The following TRIM13 variants were observed in gnomAD, a reference collection of about 807,000 sequenced individuals.
The protein encoded by TRIM13 is E3 ubiquitin-protein ligase TRIM13.
In TRIM13, 15 loss-of-function variants were observed where a neutral mutation model predicts 27.1. The ratio of observed to expected loss-of-function variants is 0.55; its 90% CI spans 0.37 to 0.85. TRIM13 has a LOEUF of 0.85. Ranked by LOEUF, TRIM13 falls within the 40% of genes least tolerant of loss-of-function variation. TRIM13 has a pLI of 0.00. For synonymous variants in TRIM13, 193 were observed against 171.5 expected (o/e 1.13, Z -0.98); for missense variants, 402 against 472.2 (o/e 0.85, Z 1.38).
Position 49,998,914 on chromosome 13 carries a change from A to G in TRIM13, c.-7+1151A>G, listed in dbSNP as rs141926024. On this transcript the variant is annotated intron_variant, in intron 1 of 1. Coordinates refer to ENST00000378182, the MANE Select transcript of TRIM13 (RefSeq NM_213590.3). Reference sequence around the variant, plus strand: ...CACTGCACTCCAGACTGGGCAACAGAGCGAGACTCTACCAAAAAAAAAAAA... The same window carrying G: ...CACTGCACTCCAGACTGGGCAACAGGGCGAGACTCTACCAAAAAAAAAAAA... Among the ~76,000 whole-genome samples, 962 of 147,438 alleles carry G rather than the reference A, an allele frequency of 6.5e-3. 8 individuals are homozygous for G. The highest frequency in any genetic ancestry group is 0.023 in the African/African-American group (903 of 39,354).
chr13:49,997,071 T>G lies in TRIM13; in HGVS notation c.-699T>G, dbSNP rs1873301071. The G allele has an allele frequency of 1.4e-5, 2 of 147,432 alleles. No individual in the cohort carries two copies. Among genetic ancestry groups the G allele is most frequent in the Non-Finnish European group, 3.0e-5 (2 of 67,036 alleles). 9.1% of individuals were successfully genotyped at this position (147,432 alleles called of 1,614,324 possible). On this transcript the variant is annotated 5_prime_UTR_variant, in exon 1 of 2. Coordinates refer to ENST00000378182, the MANE Select transcript of TRIM13 (RefSeq NM_213590.3). ...CCATTTTGGGGCTGTGCTTGGCGCG[T>G]ACCGTGCGGTCCCTGTAGTTGGAGG... is the stretch of plus-strand genomic sequence containing the variant.
At chr13:50,004,145 T>G (rs1313171535) in intron 1 of TRIM13, among the ~76,000 whole-genome samples, 1 of 152,250 alleles carries the variant, frequency 6.6e-6, no homozygotes, top group African/African-American at 2.4e-5. Context: ...CATAAAGTTT[T>G]TTGACTTCTA....
chr13:50,011,825 G>T, intron 1 of TRIM13, 110 bp from the exon 2 acceptor site: 2 of 1,318,458 alleles, frequency 1.5e-6, no homozygotes, highest in African/African-American at 2.9e-5. Context: ...TGTTTGGCTG[G>T]TTATTTCAGT....
rs142033171 is a variant in TRIM13 at position 50,007,360 on chromosome 13, C to T, written c.-6-4575C>T. On this transcript the variant is annotated intron_variant, in intron 1 of 1. Transcript: ENST00000378182. ...AACAAAATTAGCCGGGCGTGGTGGC[C>T]GGTGCCTGTAATCCCAGCTACTCGG... 4.5e-3 allele frequency among the ~76,000 whole-genome samples: 646 copies of T among 143,506 alleles called. 3 individuals carry two copies. Among genetic ancestry groups the T allele is most frequent in the Admixed American group, 9.5e-3 (137 of 14,358 alleles). 94.1% of individuals were successfully genotyped at this position (143,506 alleles called of 152,430 possible). A position where few individuals can be genotyped will look rare whatever the true frequency, so the allele number is the denominator to read the frequency against.
chr13:49,999,589 C>G (rs1873770423), intron 1 of TRIM13, among the ~76,000 whole-genome samples: 1 of 152,052 alleles, frequency 6.6e-6, no homozygotes, highest in African/African-American at 2.4e-5. Context: ...CTGTGTTCCC[C>G]AGGCTGGTCT....
At chr13:50,004,648 G>A (rs1411806266) in intron 1 of TRIM13, among the ~76,000 whole-genome samples, 4 of 151,716 alleles carry the variant, frequency 2.6e-5, no homozygotes, top group East Asian at 1.9e-4. Context: ...CCTGTAATCC[G>A]AGCTACACGG....
At chr13:50,002,533 T>G (rs576445744) in intron 1 of TRIM13, among the ~76,000 whole-genome samples, 2 of 152,328 alleles carry the variant, frequency 1.3e-5, no homozygotes, top group South Asian at 4.1e-4. Flanking sequence ...CCCATTTTAT[T>G]GTGAAAATGT....
intron 1 of TRIM13, among the ~76,000 whole-genome samples, chr13:50,007,940 T>A (rs1462825915): frequency 4.6e-5 from 7 of 151,802 alleles, no homozygotes; most frequent in African/African-American, 1.5e-4. Context: ...AGTATTGCTG[T>A]GTTGCCCAGG....
At chr13:50,006,031 T>G (rs932498913) in intron 1 of TRIM13, among the ~76,000 whole-genome samples, 2 of 152,084 alleles carry the variant, frequency 1.3e-5, no homozygotes, top group African/African-American at 2.4e-5. Context: ...ATGTAGATTT[T>G]AAAGTGAATG....
At position 49,997,317 on chromosome 13, in the gene TRIM13, GGA is replaced by G. The variant is rs1299222036; in HGVS notation, c.-451_-450del. 1 of 152,652 alleles carries G rather than the reference GGA, an allele frequency of 6.6e-6. No homozygotes were observed. The highest frequency in any genetic ancestry group is 1.5e-5 in the Non-Finnish European group (1 of 68,430). 9.5% of individuals were successfully genotyped at this position (152,652 alleles called of 1,614,324 possible). A position where few individuals can be genotyped will look rare whatever the true frequency, so the allele number is the denominator to read the frequency against. On this transcript the variant is annotated 5_prime_UTR_variant, in exon 1 of 2. It removes the in-frame stop codon of an upstream open reading frame in the 5' UTR. Transcript: ENST00000378182. ...CAGCGGGGCACTGTCATGGGCCTGG[GGA>G]GGAGCGGCCTGCGGAGGGCGCCGGG...
chr13:50,015,383 ATTC>A lies in TRIM13; in HGVS notation c.*2223_*2225del. On this transcript the variant is annotated 3_prime_UTR_variant, in exon 2 of 2. Transcript: ENST00000378182. ...TGGGAATCTAAGTCTGGTTTTTGTT[ATTC>A]TTCCCTCCCCTCCACTGCATAATCA... The A allele has an allele frequency of 1.2e-6, 1 of 807,496 alleles. No homozygotes were observed. Among genetic ancestry groups the A allele is most frequent in the Non-Finnish European group, 2.0e-6 (1 of 494,792 alleles). 50.0% of individuals were successfully genotyped at this position (807,496 alleles called of 1,614,324 possible). A position where few individuals can be genotyped will look rare whatever the true frequency, so the allele number is the denominator to read the frequency against.
intron 1 of TRIM13, among the ~76,000 whole-genome samples, chr13:50,007,782 C>CA (rs34741583): frequency 0.012 from 1,487 of 127,702 alleles, 38 homozygotes; most frequent in African/African-American, 0.033. Flanking sequence ...GACTTAGTCT[C>CA]AAAAAAAAAA....
intron 1 of TRIM13, among the ~76,000 whole-genome samples, chr13:50,004,677 T>C (rs922543251): frequency 6.6e-6 from 1 of 151,634 alleles, no homozygotes; most frequent in Admixed American, 6.6e-5. Context: ...CGCAAGAGAA[T>C]TGCTTGAGCC....
intron 1 of TRIM13, among the ~76,000 whole-genome samples, chr13:50,009,891 T>C (rs923193165): frequency 7.8e-4 from 119 of 152,030 alleles, no homozygotes; most frequent in African/African-American, 2.8e-3. Flanking sequence ...ATCATGCCAG[T>C]GCACTCCAGC....
chr13:50,000,848 T>C (rs923878299), intron 1 of TRIM13: 2 of 152,208 alleles, frequency 1.3e-5, no homozygotes. Flanking sequence ...TTTTATGGTT[T>C]TAATTGTGGT....
At chr13:49,998,188 G>T (rs886619035) in intron 1 of TRIM13, among the ~76,000 whole-genome samples, 1 of 152,088 alleles carries the variant, frequency 6.6e-6, no homozygotes. Context: ...GCTGTTAACC[G>T]GCTATACTTC....
Position 50,018,268 on chromosome 13 carries a change from G to A in TRIM13, c.*5104G>A, listed in dbSNP as rs978223390. The A allele has an allele frequency of 1.8e-5, 3 of 166,852 alleles. No individual in the cohort carries two copies. Among genetic ancestry groups the A allele is most frequent in the East Asian group, 1.9e-4 (1 of 5,202 alleles). 10.3% of individuals were successfully genotyped at this position (166,852 alleles called of 1,614,324 possible). A position where few individuals can be genotyped will look rare whatever the true frequency, so the allele number is the denominator to read the frequency against. ...TAGCTAGGTGATGTCTTGCAAGTACGTTCCACTTTGTTACAATCTACTATC... is the reference window on the plus strand; with the variant it reads ...TAGCTAGGTGATGTCTTGCAAGTACATTCCACTTTGTTACAATCTACTATC... On this transcript the variant is annotated 3_prime_UTR_variant, in exon 2 of 2. Transcript: ENST00000378182.
chr13:50,009,689 A>G (rs1875296183), intron 1 of TRIM13, among the ~76,000 whole-genome samples: 1 of 147,630 alleles, frequency 6.8e-6, no homozygotes, highest in Admixed American at 6.8e-5. Flanking sequence ...GTGAGCCAAG[A>G]TAGCACCACT....
Position 50,013,431 on chromosome 13 carries a change from G to T in TRIM13, c.*267G>T. 6.7e-6 allele frequency: 2 copies of T among 297,924 alleles called. No homozygotes were observed. The highest frequency in any genetic ancestry group is 7.5e-5 in the South Asian group (1 of 13,254). The allele number at this position is 297,924 out of a possible 1,614,324, so 18.5% of individuals were successfully genotyped here. A position where few individuals can be genotyped will look rare whatever the true frequency, so the allele number is the denominator to read the frequency against. ...TTGTATTTATGCTGTGATAAAAATA[G>T]GTGAGAGATCATATGATCTAATATT... On this transcript the variant is annotated 3_prime_UTR_variant, in exon 2 of 2. Transcript: ENST00000378182.
Sources: gnomAD v4.1 joint callset for allele counts (sites outside exome capture counted in the v4.1 genomes callset) on GRCh38, gnomAD v4.1.1 for gene constraint, MANE v1.5 for transcripts, NCBI Gene and HGNC (gene_info 2026-07-23, HGNC 2026-07-21) for gene names.